The following KIF13B variants were observed in gnomAD, a reference collection of about 807,000 sequenced individuals.
KIF13B encodes kinesin family member 13B.
KIF13B carries 127 observed loss-of-function variants against 222.0 expected under a neutral mutation model. The observed-to-expected ratio is 0.57, with a 90% CI of 0.50 to 0.66. The LOEUF is 0.66. KIF13B is among the 30% of genes least tolerant of loss of function. The pLI is 0.00. For synonymous variants in KIF13B, 976 were observed against 919.0 expected, an observed-to-expected ratio of 1.06 and a Z score of -1.12; for missense variants, 2,173 against 2,379.0, an observed-to-expected ratio of 0.91 and a Z score of 1.80.
intron 30 of KIF13B, 90 bp downstream of exon 30, chr8:29,118,777 CT>C (rs1809720349): frequency 7.7e-7 from 1 of 1,304,220 alleles, no homozygotes; most frequent in African/African-American, 1.5e-5. Context: ...ATGTAAAGTA[CT>C]GGCATGATTG....
At chr8:29,229,162 G>A (rs1815173276) in intron 2 of KIF13B, among the ~76,000 whole-genome samples, 2 of 146,766 alleles carry the variant, frequency 1.4e-5, no homozygotes, top group African/African-American at 5.0e-5. Flanking sequence ...GGAGTGATGT[G>A]TATCAGATGT....
Position 29,067,573 on chromosome 8 carries a change from G to GA in KIF13B, c.*2930dup. Reference sequence around the variant, plus strand: ...ACCATTAGTGTCTGCAGCCCACCAGGAAGGCACCACGGACTTTGTGGAGAG... The same window carrying GA: ...ACCATTAGTGTCTGCAGCCCACCAGGAAAGGCACCACGGACTTTGTGGAGAG... On this transcript the variant is annotated 3_prime_UTR_variant, in exon 40 of 40. Coordinates refer to ENST00000524189, the MANE Select transcript of KIF13B (RefSeq NM_015254.4). 1 of 152,414 alleles carries GA rather than the reference G, an allele frequency of 6.6e-6. No individual in the cohort carries two copies. The highest frequency in any genetic ancestry group is 2.1e-4 in the South Asian group (1 of 4,828). 9.4% of individuals were successfully genotyped at this position (152,414 alleles called of 1,614,324 possible).
chr8:29,143,800 G>A (rs1039799702), intron 18 of KIF13B, among the ~76,000 whole-genome samples: 9 of 151,822 alleles, frequency 5.9e-5, no homozygotes, highest in Admixed American at 6.6e-5. Flanking sequence ...CCGAGATCGC[G>A]CCACTGCACT....
At chr8:29,089,869 G>C (rs1808213416) in intron 37 of KIF13B, among the ~76,000 whole-genome samples, 1 of 136,488 alleles carries the variant, frequency 7.3e-6, no homozygotes, top group African/African-American at 2.8e-5. Flanking sequence ...CTGGGCAACA[G>C]AGCAAGACTC....
chr8:29,079,545 A>C (rs555601498), intron 37 of KIF13B, among the ~76,000 whole-genome samples: 3 of 152,374 alleles, frequency 2.0e-5, no homozygotes, highest in East Asian at 3.9e-4. Flanking sequence ...CAAGTGACAT[A>C]AAGAAGACTA....
chr8:29,168,926 G>A (rs1812122066), intron 10 of KIF13B, among the ~76,000 whole-genome samples: 1 of 152,092 alleles, frequency 6.6e-6, no homozygotes, highest in Admixed American at 6.6e-5. Context: ...TACCAACCCA[G>A]GCTGAGACAA....
In KIF13B at chr8:29,180,164, G is replaced by A; in HGVS notation, c.660C>T (p.Ser220=). The part of the protein sequence containing the change: ...VAATNMNEES[S]RSHAVFKITL... ...TGATTTTGAAAACTGCATGGGATCG[G>A]CTACTCTCCTCGTTCATGTTGGTTG... Residue 220 remains serine, a synonymous_variant, in exon 8 of 40, where the codon AGC becomes AGT. Coordinates refer to ENST00000524189, the MANE Select transcript of KIF13B (RefSeq NM_015254.4). 3 of 1,613,962 alleles carry A rather than the reference G, an allele frequency of 1.9e-6. No homozygotes were observed. The highest frequency in any genetic ancestry group is 2.5e-6 in the Non-Finnish European group (3 of 1,179,858).
intron 2 of KIF13B, 74 bp downstream of exon 2, chr8:29,245,272 A>C: frequency 1.0e-6 from 1 of 996,674 alleles, no homozygotes; most frequent in Non-Finnish European, 1.5e-6. Context: ...TATTCAATGC[A>C]ACTTAATTCA....
intron 32 of KIF13B, among the ~76,000 whole-genome samples, chr8:29,111,833 A>C (rs1360791476): frequency 6.6e-6 from 1 of 152,244 alleles, no homozygotes; most frequent in Admixed American, 6.5e-5. Context: ...TTAGATACAC[A>C]GAGTAAACAG....
intron 10 of KIF13B, among the ~76,000 whole-genome samples, chr8:29,170,622 G>A (rs2130190763): frequency 6.6e-6 from 1 of 152,254 alleles, no homozygotes; most frequent in South Asian, 2.1e-4. Context: ...GAGATGGGAG[G>A]GGAAAGCATG....
At chr8:29,123,166 TAAC>T (rs908584286) in intron 28 of KIF13B, among the ~76,000 whole-genome samples, 197 bp downstream of exon 28, 3 of 152,230 alleles carry the variant, frequency 2.0e-5, no homozygotes, top group African/African-American at 7.2e-5. Flanking sequence ...CTTTGGCCAA[TAAC>T]AACATTATTT....
At chr8:29,123,546 T>G (rs3750263) in intron 27 of KIF13B, 54 bp from the exon 28 acceptor site, 268,724 of 1,605,890 alleles carry the variant, frequency 0.17, 24,736 homozygotes, top group Admixed American at 0.35. Context: ...CCATTTATCT[T>G]TTTGTCCTGA....
intron 22 of KIF13B, among the ~76,000 whole-genome samples, chr8:29,132,666 C>T (rs369754665): frequency 2.8e-4 from 43 of 152,092 alleles, no homozygotes; most frequent in Admixed American, 2.2e-3. Flanking sequence ...AAGTATAAAT[C>T]GGAATTTTTT....
At chr8:29,159,808 C>T (rs577962474) in intron 13 of KIF13B, among the ~76,000 whole-genome samples, 2 of 152,304 alleles carry the variant, frequency 1.3e-5, no homozygotes, top group South Asian at 4.1e-4. Context: ...ATATAAGATA[C>T]TTATTAACAA....
chr8:29,218,535 T>C (rs1338091330), intron 2 of KIF13B, among the ~76,000 whole-genome samples: 1 of 152,190 alleles, frequency 6.6e-6, no homozygotes, highest in African/African-American at 2.4e-5. Flanking sequence ...AACAGCTCTA[T>C]AACAGCAGGT....
At chr8:29,187,702 A>G (rs1812999801) in intron 5 of KIF13B, among the ~76,000 whole-genome samples, 1 of 152,208 alleles carries the variant, frequency 6.6e-6, no homozygotes. Context: ...GTTTTTGCAA[A>G]TATGCTTTTA....
At chr8:29,101,876 G>A (rs181958119) in intron 35 of KIF13B, among the ~76,000 whole-genome samples, 2 of 152,062 alleles carry the variant, frequency 1.3e-5, no homozygotes, top group Non-Finnish European at 2.9e-5. Flanking sequence ...TGACGCCTAC[G>A]AATCTCTGCG....
chr8:29,119,747 G>A (rs1237813737), intron 29 of KIF13B, among the ~76,000 whole-genome samples: 10 of 152,146 alleles, frequency 6.6e-5, no homozygotes, highest in African/African-American at 2.2e-4. Context: ...AGCAGGATAA[G>A]GACTTGTGGC....
intron 16 of KIF13B, 27 bp from the exon 17 acceptor site, chr8:29,147,629 T>C (rs774185693): frequency 4.7e-6 from 7 of 1,493,818 alleles, no homozygotes; most frequent in South Asian, 1.1e-5. Flanking sequence ...AAAAGATACA[T>C]GATCGAGAGT....
Sources: allele counts gnomAD v4.1 joint callset (sites outside exome capture counted in the v4.1 genomes callset), GRCh38; gene constraint gnomAD v4.1.1; transcripts MANE v1.5; gene names NCBI Gene and HGNC (gene_info 2026-07-23, HGNC 2026-07-21).